ERICH2: variants seen among roughly 807,000 people sequenced by gnomAD.
ERICH2 encodes the protein glutamate-rich protein 2.
In ERICH2, 17 loss-of-function variants were observed where a neutral mutation model predicts 17.4. The ratio of observed to expected loss-of-function variants is 0.98; its 90% CI spans 0.67 to 1.47. ERICH2 has a LOEUF of 1.47. Among genes scored for constraint, ERICH2 ranks in the 40% most tolerant of loss-of-function variants. The probability of loss-of-function intolerance (pLI) is 0.00; values close to 1 mark genes in which losing one functional copy is unlikely to be tolerated. For synonymous variants in ERICH2, 51 were observed against 61.1 expected (o/e 0.83, Z 0.77); for missense variants, 186 against 183.2 (o/e 1.01, Z -0.09).
chr2:170,774,564 C>CTTCTTTTTTTTTTTTTT, the ERICH2 span, among the ~76,000 whole-genome samples: 8 of 98,556 alleles, frequency 8.1e-5, no homozygotes, highest in Admixed American at 4.3e-4. Context: ...AGAGCCCCAT[C>CTTCTTTTTTTTTTTTTT]TTTTTTTTTT....
chr2:170,773,611 C>A, the ERICH2 span, among the ~76,000 whole-genome samples: 2 of 152,166 alleles, frequency 1.3e-5, no homozygotes, highest in African/African-American at 4.8e-5. Context: ...ACCCGTTTCA[C>A]CTATAAGATT....
At chr2:170,789,614 C>T (rs1701236633) in intron 2 of ERICH2, among the ~76,000 whole-genome samples, 1 of 152,102 alleles carries the variant, frequency 6.6e-6, no homozygotes, top group South Asian at 2.1e-4. Context: ...TTAGATAATT[C>T]TCATCAAGGG....
At chr2:170,770,392 G>C in the ERICH2 span, among the ~76,000 whole-genome samples, 1 of 152,172 alleles carries the variant, frequency 6.6e-6, no homozygotes, top group Non-Finnish European at 1.5e-5. Context: ...CAGAGCAGCA[G>C]CTCTGGCGCT....
rs144596732 is a variant in ERICH2, at chr2:170,797,699, C to T, written c.275-342C>T. On this transcript the variant is annotated intron_variant, in intron 3 of 4. Coordinates refer to ENST00000409885, the Ensembl canonical transcript of ERICH2. ...TGTAGCTACTCAGGAAACTGAGGCA[C>T]GAGAATCACTTGAACCCGGGAGGCA... 5.0e-3 allele frequency among the ~76,000 whole-genome samples: 749 copies of T among 149,690 alleles called. 9 individuals carry two copies. The highest frequency in any genetic ancestry group is 0.017 in the African/African-American group (682 of 40,710).
the ERICH2 span, chr2:170,770,900 G>T: frequency 4.9e-4 from 56 of 113,890 alleles, no homozygotes; most frequent in Non-Finnish European, 8.4e-4. Context: ...CGCCCGCTCC[G>T]TCCCGCGCCC....
At chr2:170,798,079 T>C (rs1480961083) in exon 4 of ERICH2, 6 of 1,548,658 alleles carry the variant, frequency 3.9e-6, no homozygotes, top group Non-Finnish European at 5.2e-6. Flanking sequence ...GGCCAAGGAG[T>C]TTTTCACACT....
At chr2:170,784,020 T>C (rs1701087478) in intron 1 of ERICH2, among the ~76,000 whole-genome samples, 1 of 152,182 alleles carries the variant, frequency 6.6e-6, no homozygotes, top group Non-Finnish European at 1.5e-5. Flanking sequence ...TTTCTTAACA[T>C]TGTCTTCTAT....
At chr2:170,795,142 C>T (rs1463383678) in intron 3 of ERICH2, among the ~76,000 whole-genome samples, 1 of 151,828 alleles carries the variant, frequency 6.6e-6, no homozygotes, top group Non-Finnish European at 1.5e-5. Flanking sequence ...ACCACACCCA[C>T]TAATTTTTGT....
At chr2:170,777,310 A>T in the ERICH2 span, 1 of 484,802 alleles carries the variant, frequency 2.1e-6, no homozygotes, top group Non-Finnish European at 2.7e-6. Flanking sequence ...AAAGGCTATT[A>T]GTAAATTATT....
intron 2 of ERICH2, among the ~76,000 whole-genome samples, chr2:170,785,088 T>C (rs1701126219): frequency 6.6e-6 from 1 of 152,094 alleles, no homozygotes; most frequent in South Asian, 2.1e-4. Context: ...TAGTTAACAG[T>C]AGTTTATTGT....
chr2:170,772,958 A>C, the ERICH2 span, among the ~76,000 whole-genome samples: 1 of 152,248 alleles, frequency 6.6e-6, no homozygotes, highest in Non-Finnish European at 1.5e-5. Context: ...TAAAATAAAA[A>C]TTTTTTGAAA....
chr2:170,797,893 CAG>C (rs1298226481), intron 3 of ERICH2, 146 bp from the exon 9 acceptor site: 1 of 557,024 alleles, frequency 1.8e-6, no homozygotes, highest in Non-Finnish European at 3.2e-6. Flanking sequence ...TATTTGTACT[CAG>C]ATATACCTGT....
chr2:170,786,451 T>C (rs1327977928), intron 2 of ERICH2, among the ~76,000 whole-genome samples: 1 of 152,132 alleles, frequency 6.6e-6, no homozygotes, highest in Non-Finnish European at 1.5e-5. Flanking sequence ...ATTATTTTAT[T>C]TCACAATTTA....
At chr2:170,793,788 G>T (rs1448406019) in intron 3 of ERICH2, among the ~76,000 whole-genome samples, 2 of 152,026 alleles carry the variant, frequency 1.3e-5, no homozygotes, top group African/African-American at 2.4e-5. Flanking sequence ...TTTTATCTTT[G>T]GTTTTTAATG....
the ERICH2 span, chr2:170,777,818 C>A: frequency 2.4e-6 from 1 of 409,854 alleles, no homozygotes; most frequent in Non-Finnish European, 3.9e-6. Flanking sequence ...GCTTTTGCTG[C>A]AGTCAAAGCA....
rs62168410 is a variant in ERICH2 at position 170,788,955 on chromosome 2, C to A, written c.217-3908C>A. ...TATTCTTCTTCTTCTTTCTTTCTTT[C>A]TTTCTTTATTTTTTTTAATTTTTTG... On this transcript the variant is annotated intron_variant, in intron 2 of 4. Coordinates refer to ENST00000409885, the Ensembl canonical transcript of ERICH2. Among the ~76,000 whole-genome samples the A allele has an allele frequency of 8.0e-5, 10 of 124,954 alleles. No homozygotes were observed. In the South Asian group the frequency reaches 8.5e-4, roughly 11 times the overall value. 82.0% of individuals were successfully genotyped at this position (124,954 alleles called of 152,430 possible).
At chr2:170,797,996 C>A in intron 3 of ERICH2, 45 bp from the exon 9 acceptor site, 3 of 1,355,988 alleles carry the variant, frequency 2.2e-6, no homozygotes, top group Non-Finnish European at 3.1e-6. Context: ...TGCTGCAACA[C>A]TGAACGTTAA....
At chr2:170,771,132 G>A in the ERICH2 span, 4 of 154,650 alleles carry the variant, frequency 2.6e-5, no homozygotes, top group Non-Finnish European at 4.4e-5. This position sits in a 1 kb window ranked among gnomAD's most constrained non-coding sequence, Gnocchi z 4.8. Context: ...GCAGCTAGCC[G>A]GGCTGGCTCT....
At chr2:170,795,690 A>C (rs1701399181) in intron 3 of ERICH2, among the ~76,000 whole-genome samples, 1 of 152,142 alleles carries the variant, frequency 6.6e-6, no homozygotes, top group African/African-American at 2.4e-5. Flanking sequence ...AGTCCAAAGT[A>C]CTTTACGTTT....
Sources: allele counts gnomAD v4.1 joint callset (sites outside exome capture counted in the v4.1 genomes callset), GRCh38; gene constraint gnomAD v4.1.1; non-coding constraint Gnocchi (gnomAD v3.1); transcripts MANE v1.5; gene names NCBI Gene and HGNC (gene_info 2026-07-23, HGNC 2026-07-21).